Variants in PIK3C2G observed in about 807,000 individuals in gnomAD.
PIK3C2G encodes phosphatidylinositol-4-phosphate 3-kinase catalytic subunit type 2 gamma.
In PIK3C2G, 168 loss-of-function variants were observed where a neutral mutation model predicts 181.1. The observed-to-expected ratio is 0.93, with a 90% CI of 0.82 to 1.05. The LOEUF is 1.05. Ranked by LOEUF, PIK3C2G falls within the 50% of genes least tolerant of loss-of-function variation. PIK3C2G has a pLI of 0.00. For synonymous variants in PIK3C2G, 573 were observed against 592.2 expected, an observed-to-expected ratio of 0.97 and a Z score of 0.47; for missense variants, 1,869 against 1,732.8, an observed-to-expected ratio of 1.08 and a Z score of -1.40.
the PIK3C2G span, among the ~76,000 whole-genome samples, chr12:18,656,152 G>A: frequency 2.6e-5 from 4 of 152,086 alleles, no homozygotes; most frequent in Admixed American, 1.3e-4. Context: ...AAATATGCTG[G>A]GCACAGTGGC....
chr12:18,711,413 T>C, the PIK3C2G span, among the ~76,000 whole-genome samples: 1 of 144,748 alleles, frequency 6.9e-6, no homozygotes, highest in Non-Finnish European at 1.5e-5. Flanking sequence ...AGGGATAGCA[T>C]TAGGAGATAT....
At chr12:18,544,063 C>G (rs1242866272) in intron 25 of PIK3C2G, among the ~76,000 whole-genome samples, 1 of 151,748 alleles carries the variant, frequency 6.6e-6, no homozygotes, top group African/African-American at 2.4e-5. Flanking sequence ...TGAAGAGGAT[C>G]AGTGATGCTT....
the PIK3C2G span, among the ~76,000 whole-genome samples, chr12:18,718,215 G>C: frequency 4.6e-5 from 7 of 152,244 alleles, no homozygotes; most frequent in East Asian, 9.7e-4. Context: ...TGTAAGTTGA[G>C]AAGCATCTGT....
At chr12:18,324,880 T>C (rs1032679988) in intron 7 of PIK3C2G, among the ~76,000 whole-genome samples, 155 bp from the exon 8 acceptor site, 1 of 152,208 alleles carries the variant, frequency 6.6e-6, no homozygotes, top group African/African-American at 2.4e-5. Context: ...GGCACCCTTC[T>C]GAGATGTTTT....
At chr12:18,449,704 G>A (rs1327283361) in intron 18 of PIK3C2G, among the ~76,000 whole-genome samples, 1 of 152,102 alleles carries the variant, frequency 6.6e-6, no homozygotes, top group Admixed American at 6.5e-5. Context: ...GTCTATCATT[G>A]ATGGGCATTT....
the PIK3C2G span, chr12:18,696,125 C>A: frequency 8.5e-7 from 1 of 1,178,630 alleles, no homozygotes; most frequent in Non-Finnish European, 1.3e-6. Flanking sequence ...CTTCTGCAAA[C>A]AACTCAATAT....
At chr12:18,298,837 G>T (rs905613934) in intron 5 of PIK3C2G, among the ~76,000 whole-genome samples, 1 of 151,730 alleles carries the variant, frequency 6.6e-6, no homozygotes, top group Non-Finnish European at 1.5e-5. Flanking sequence ...CAACATCTTT[G>T]TCAAAAATCA....
intron 5 of PIK3C2G, among the ~76,000 whole-genome samples, chr12:18,302,869 G>A (rs2137301480): frequency 6.6e-6 from 1 of 152,144 alleles, no homozygotes; most frequent in African/African-American, 2.4e-5. Flanking sequence ...TATGTGGCAG[G>A]CAGGCTAAGT....
the PIK3C2G span, among the ~76,000 whole-genome samples, chr12:18,687,228 T>G: frequency 6.6e-6 from 1 of 152,000 alleles, no homozygotes; most frequent in East Asian, 1.9e-4. Flanking sequence ...TTCAGGGGAG[T>G]GCAAAGGAGG....
chr12:18,683,576 A>C, the PIK3C2G span: 1 of 1,464,958 alleles, frequency 6.8e-7, no homozygotes, highest in Non-Finnish European at 9.1e-7. Flanking sequence ...ATGATCCAAA[A>C]TTAGCCACCA....
At chr12:18,608,122 G>A (rs146015229) in intron 30 of PIK3C2G, among the ~76,000 whole-genome samples, 1,631 of 152,192 alleles carry the variant, frequency 0.011, 26 homozygotes, top group African/African-American at 0.037. Flanking sequence ...CTATAAACTG[G>A]TTCAACCATT....
At chr12:18,537,484 T>TG (rs1943921751) in intron 24 of PIK3C2G, among the ~76,000 whole-genome samples, 1 of 151,984 alleles carries the variant, frequency 6.6e-6, no homozygotes, top group Non-Finnish European at 1.5e-5. Flanking sequence ...CTGACAAAGG[T>TG]GGGGGACGTG....
intron 18 of PIK3C2G, among the ~76,000 whole-genome samples, chr12:18,483,695 TA>T (rs904193095): frequency 7.9e-5 from 12 of 151,866 alleles, no homozygotes; most frequent in African/African-American, 2.7e-4. Flanking sequence ...CGAGAATGTT[TA>T]AAAAAATGTG....
intron 24 of PIK3C2G, among the ~76,000 whole-genome samples, chr12:18,519,680 T>A (rs1942784181): frequency 6.6e-6 from 1 of 152,164 alleles, no homozygotes; most frequent in Non-Finnish European, 1.5e-5. Context: ...AATTTGTCAG[T>A]GTGTGTCTTT....
intron 24 of PIK3C2G, among the ~76,000 whole-genome samples, chr12:18,515,389 C>T (rs971365184): frequency 6.6e-6 from 1 of 151,936 alleles, no homozygotes; most frequent in African/African-American, 2.4e-5. Context: ...ATTACTACTT[C>T]TGTCTTGTTA....
chr12:18,265,122 A>C (rs775205236), intron 1 of PIK3C2G, among the ~76,000 whole-genome samples: 3 of 151,960 alleles, frequency 2.0e-5, no homozygotes, highest in Non-Finnish European at 4.4e-5. Flanking sequence ...ATTTATTCAA[A>C]CTCCAAGGAG....
In PIK3C2G at chr12:18,589,808, C is replaced by T. The variant is rs573916749; in HGVS notation, c.4012-4686C>T. 2.6e-5 allele frequency among the ~76,000 whole-genome samples: 4 copies of T among 152,066 alleles called. No individual in the cohort carries two copies. The South Asian group carries it at 6.2e-4, about 24-fold the overall frequency. ...TGTCTTTTCTTTTTTCCACAATGCTCCATTTTCATCTTTCTTAAAACAAAC... is the reference window on the plus strand; with the variant it reads ...TGTCTTTTCTTTTTTCCACAATGCTTCATTTTCATCTTTCTTAAAACAAAC... On this transcript the variant is annotated intron_variant, in intron 29 of 32. Transcript: ENST00000538779.
At chr12:18,582,612 C>T (rs1946561418) in intron 29 of PIK3C2G, among the ~76,000 whole-genome samples, 1 of 152,168 alleles carries the variant, frequency 6.6e-6, no homozygotes, top group African/African-American at 2.4e-5. Flanking sequence ...CAATGGTGTG[C>T]AGGCTCCGCT....
the PIK3C2G span, among the ~76,000 whole-genome samples, chr12:18,704,990 T>A: frequency 6.6e-6 from 1 of 152,102 alleles, no homozygotes; most frequent in Non-Finnish European, 1.5e-5. Flanking sequence ...TCGAAATATA[T>A]TCACCTAAGC....
Sources: allele counts gnomAD v4.1 joint callset (sites outside exome capture counted in the v4.1 genomes callset), GRCh38; gene constraint gnomAD v4.1.1; transcripts MANE v1.5; gene names NCBI Gene and HGNC (gene_info 2026-07-23, HGNC 2026-07-21).